Variants in NALF1 observed in about 807,000 individuals in gnomAD.
NALF1 encodes the protein family with sequence similarity 155 member A.
Under a neutral mutation model 48.4 loss-of-function variants are expected in NALF1, and 3 were observed. That is an observed-to-expected ratio of 0.06 (90% CI 0.03 to 0.16). NALF1 has a LOEUF of 0.16. Among genes scored for constraint, NALF1 ranks in the 10% least tolerant of loss-of-function variants. The pLI is 1.00. For synonymous variants in NALF1, 262 were observed against 245.7 expected, an observed-to-expected ratio of 1.07 and a Z score of -0.62; for missense variants, 526 against 571.5, an observed-to-expected ratio of 0.92 and a Z score of 0.81.
chr13:107,790,234 G>C (rs1858629335), intron 1 of NALF1, among the ~76,000 whole-genome samples: 1 of 151,890 alleles, frequency 6.6e-6, no homozygotes, highest in Admixed American at 6.6e-5. Context: ...TATACAACTT[G>C]GCTAAAATAA....
chr13:107,866,848 G>T lies in NALF1; in HGVS notation c.-252C>A, dbSNP rs560324592. On this transcript the variant is annotated 5_prime_UTR_variant, in exon 1 of 3. Transcript: ENST00000375915. This position sits in a 1 kb window ranked among gnomAD's most constrained non-coding sequence, Gnocchi z 4.4. ...CAGGCTTTGAAGGAAGGTCTGACTTGCTTCCTAATCATCAGCCGACCCCAT... is the reference window on the plus strand; with the variant it reads ...CAGGCTTTGAAGGAAGGTCTGACTTTCTTCCTAATCATCAGCCGACCCCAT... The T allele has an allele frequency of 3.8e-6, 2 of 529,178 alleles. No homozygotes were observed. The highest frequency in any genetic ancestry group is 3.2e-5 in the East Asian group (1 of 31,364). The allele number at this position is 529,178 out of a possible 1,614,324, so 32.8% of individuals were successfully genotyped here. A position where few individuals can be genotyped will look rare whatever the true frequency, so the allele number is the denominator to read the frequency against.
intron 1 of NALF1, among the ~76,000 whole-genome samples, chr13:107,478,128 A>T (rs1392679816): frequency 6.6e-6 from 1 of 152,152 alleles, no homozygotes; most frequent in Non-Finnish European, 1.5e-5. Context: ...TTATTGCAGT[A>T]ACCTTAAATG....
chr13:107,550,328 C>A (rs915974648), intron 1 of NALF1, among the ~76,000 whole-genome samples: 1 of 152,102 alleles, frequency 6.6e-6, no homozygotes, highest in Non-Finnish European at 1.5e-5. Context: ...GCTACTAGGG[C>A]TCCGATTGTT....
At chr13:107,237,486 C>T (rs1042059614) in intron 1 of NALF1, among the ~76,000 whole-genome samples, 1 of 152,104 alleles carries the variant, frequency 6.6e-6, no homozygotes, top group Non-Finnish European at 1.5e-5. Flanking sequence ...TCCACAGATG[C>T]TTAAGCTTCC....
intron 1 of NALF1, among the ~76,000 whole-genome samples, chr13:107,358,723 G>A (rs1883007461): frequency 2.0e-5 from 3 of 152,102 alleles, no homozygotes; most frequent in Admixed American, 2.0e-4. Flanking sequence ...TTCTACAAGT[G>A]GATCTTATCA....
chr13:107,377,419 T>C (rs768341383), intron 1 of NALF1, among the ~76,000 whole-genome samples: 4 of 152,160 alleles, frequency 2.6e-5, no homozygotes, highest in East Asian at 1.9e-4. Context: ...AGGAGGATCA[T>C]GGAGAATCTA....
chr13:107,557,737 G>C (rs1877521517), intron 1 of NALF1, among the ~76,000 whole-genome samples: 1 of 152,066 alleles, frequency 6.6e-6, no homozygotes, highest in African/African-American at 2.4e-5. Flanking sequence ...CAAAATCCAT[G>C]GGTCCCAAAT....
chr13:107,184,246 T>C (rs1382096579), intron 2 of NALF1, among the ~76,000 whole-genome samples: 3 of 152,148 alleles, frequency 2.0e-5, no homozygotes, highest in Admixed American at 6.5e-5. Context: ...TTCTCCCTGT[T>C]GTAGCTGGTA....
At chr13:107,854,535 CTG>C (rs1383166946) in intron 1 of NALF1, among the ~76,000 whole-genome samples, 1 of 152,230 alleles carries the variant, frequency 6.6e-6, no homozygotes, top group Non-Finnish European at 1.5e-5. Context: ...TCTAGGGTCA[CTG>C]TGATTCCTGA....
In NALF1 at chr13:107,590,479, T is replaced by C. The variant is rs551105404; in HGVS notation, c.915+275203A>G. Among the ~76,000 whole-genome samples the C allele has an allele frequency of 5.3e-5, 8 of 152,150 alleles. No individual in the cohort carries two copies. The South Asian group carries it at 1.7e-3, about 32-fold the overall frequency. On this transcript the variant is annotated intron_variant, in intron 1 of 2. Coordinates refer to ENST00000375915, the MANE Select transcript of NALF1 (RefSeq NM_001080396.3). ...AGACTGTTAAATATATAATAAACCATCTCCATTTCTATTAGTAAGAAAAAC... is the reference window on the plus strand; with the variant it reads ...AGACTGTTAAATATATAATAAACCACCTCCATTTCTATTAGTAAGAAAAAC...
At chr13:107,751,029 T>A (rs1032738839) in intron 1 of NALF1, among the ~76,000 whole-genome samples, 14 of 152,184 alleles carry the variant, frequency 9.2e-5, no homozygotes, top group African/African-American at 1.2e-4. Flanking sequence ...AATTGATTAA[T>A]CTCTTTCAAC....
rs1878672800 is a variant in NALF1 at position 107,166,952 on chromosome 13, G to A, written c.*3545C>T. On this transcript the variant is annotated 3_prime_UTR_variant, in exon 3 of 3. Coordinates refer to ENST00000375915, the MANE Select transcript of NALF1 (RefSeq NM_001080396.3). ...TTTAAAAGAACAACTTTCACTTACT[G>A]CCTTGTGAGAGAGGGGAAAAATACT... is the stretch of plus-strand genomic sequence containing the variant. The A allele has an allele frequency of 2.6e-5, 4 of 152,276 alleles. No homozygotes were observed. In the South Asian group the frequency reaches 8.3e-4, roughly 32 times the overall value. The allele number at this position is 152,276 out of a possible 1,614,324, so 9.4% of individuals were successfully genotyped here. A position where few individuals can be genotyped will look rare whatever the true frequency, so the allele number is the denominator to read the frequency against.
intron 1 of NALF1, among the ~76,000 whole-genome samples, chr13:107,806,502 G>C (rs948833599): frequency 6.6e-6 from 1 of 152,072 alleles, no homozygotes; most frequent in Non-Finnish European, 1.5e-5. Flanking sequence ...AAGAAAATAT[G>C]ATGAGCTTTG....
chr13:107,324,229 T>C (rs1882307421), intron 1 of NALF1, among the ~76,000 whole-genome samples: 1 of 152,246 alleles, frequency 6.6e-6, no homozygotes, highest in Non-Finnish European at 1.5e-5. Flanking sequence ...ATTATTTTTC[T>C]GAATCATGGT....
intron 1 of NALF1, among the ~76,000 whole-genome samples, chr13:107,765,690 T>C (rs1456058002): frequency 6.6e-6 from 1 of 152,166 alleles, no homozygotes; most frequent in Non-Finnish European, 1.5e-5. Context: ...TTATAATAAA[T>C]GGAAATAGAT....
intron 1 of NALF1, among the ~76,000 whole-genome samples, chr13:107,793,134 A>C (rs1429739903): frequency 6.6e-6 from 1 of 152,228 alleles, no homozygotes; most frequent in Admixed American, 6.5e-5. Flanking sequence ...CATTAATAAG[A>C]GACAGTTGAA....
intron 1 of NALF1, among the ~76,000 whole-genome samples, chr13:107,638,179 A>G (rs896914879): frequency 6.9e-5 from 9 of 130,652 alleles, no homozygotes; most frequent in African/African-American, 2.3e-4. Flanking sequence ...CCCTATCTAT[A>G]TAAAGATTTA....
At chr13:107,295,441 A>G (rs183530620) in intron 1 of NALF1, among the ~76,000 whole-genome samples, 2 of 152,174 alleles carry the variant, frequency 1.3e-5, no homozygotes, top group Non-Finnish European at 2.9e-5. Flanking sequence ...AATAGTATGC[A>G]GTGCATTTCT....
chr13:107,471,377 C>G (rs1885098325), intron 1 of NALF1, among the ~76,000 whole-genome samples: 1 of 152,060 alleles, frequency 6.6e-6, no homozygotes, highest in Non-Finnish European at 1.5e-5. Context: ...AGGGCAGAAG[C>G]AGGTGCAAAA....
Sources: allele counts gnomAD v4.1 joint callset (sites outside exome capture counted in the v4.1 genomes callset), GRCh38; gene constraint gnomAD v4.1.1; non-coding constraint Gnocchi (gnomAD v3.1); transcripts MANE v1.5; gene names NCBI Gene and HGNC (gene_info 2026-07-23, HGNC 2026-07-21).